Variants in SIL1 observed in about 807,000 individuals in gnomAD.
SIL1 encodes the protein SIL1 nucleotide exchange factor, also known as nucleotide exchange factor SIL1.
Under a neutral mutation model 49.1 loss-of-function variants are expected in SIL1, and 40 were observed. The observed-to-expected ratio is 0.81, with a 90% confidence interval of 0.63 to 1.06. The LOEUF (loss-of-function observed/expected upper bound fraction) is 1.06. Ranked by LOEUF, SIL1 falls within the 50% of genes least tolerant of loss-of-function variation. The probability of loss-of-function intolerance (pLI) is 0.00; values close to 1 mark genes in which losing one functional copy is unlikely to be tolerated. For missense variants in SIL1, 500 were observed against 572.6 expected, an observed-to-expected ratio of 0.87 and a Z score of 1.29; for synonymous variants, 253 against 250.8, an observed-to-expected ratio of 1.01 and a Z score of -0.08.
intron 7 of SIL1, among the ~76,000 whole-genome samples, chr5:138,958,727 C>CAA (rs1278682220): frequency 3.5e-4 from 46 of 130,058 alleles, no homozygotes; most frequent in South Asian, 1.9e-3. Flanking sequence ...TTCCAAAAGC[C>CAA]AAAAAAAAAA....
chr5:139,169,017 A>G (rs1445033284), intron 1 of SIL1, among the ~76,000 whole-genome samples: 1 of 151,978 alleles, frequency 6.6e-6, no homozygotes, highest in Non-Finnish European at 1.5e-5. Context: ...CCAGTCATGC[A>G]TGCTTGTAGT....
chr5:139,071,084 T>A (rs1196489169), intron 3 of SIL1, among the ~76,000 whole-genome samples: 1 of 152,022 alleles, frequency 6.6e-6, no homozygotes, highest in Non-Finnish European at 1.5e-5. Flanking sequence ...AGCTGACAAT[T>A]TGCAAGAAAT....
In SIL1 at chr5:139,005,151, A is replaced by G. The variant is rs564420306; in HGVS notation, c.767+16020T>C. Among the ~76,000 whole-genome samples the G allele has an allele frequency of 2.0e-5, 3 of 152,332 alleles. No individual in the cohort carries two copies. The South Asian group carries it at 6.2e-4, about 32-fold the overall frequency. On this transcript the variant is annotated intron_variant, in intron 7 of 9. Transcript: ENST00000394817. ...GTTAAGTGCTCTCACCACAAAAATG[A>G]TAACTTATGTGAGCAAGATTAGTCA...
At chr5:139,197,150 C>G (rs1256182687) in intron 1 of SIL1, among the ~76,000 whole-genome samples, 1 of 151,804 alleles carries the variant, frequency 6.6e-6, no homozygotes, top group Non-Finnish European at 1.5e-5. Context: ...TGCCTGTAAT[C>G]CCTGCTAATC....
At chr5:138,990,398 AG>A (rs1767730704) in intron 7 of SIL1, among the ~76,000 whole-genome samples, 2 of 152,168 alleles carry the variant, frequency 1.3e-5, no homozygotes, top group African/African-American at 4.8e-5. Flanking sequence ...TAACCTGGGG[AG>A]GACTGCTGGG....
intron 2 of SIL1, among the ~76,000 whole-genome samples, chr5:139,121,810 C>A (rs771739442): frequency 2.0e-5 from 3 of 152,174 alleles, no homozygotes; most frequent in African/African-American, 4.8e-5. Context: ...AAACCACTTC[C>A]TAAAACCTGT....
At chr5:139,113,322 AATAAAT>A (rs1770914662) in intron 3 of SIL1, among the ~76,000 whole-genome samples, 1 of 116,162 alleles carries the variant, frequency 8.6e-6, no homozygotes, top group Admixed American at 8.1e-5. Context: ...TAAATAAATA[AATAAAT>A]TTAAAAAAAA....
intron 3 of SIL1, among the ~76,000 whole-genome samples, chr5:139,119,297 G>A (rs1266113584): frequency 6.6e-6 from 1 of 152,158 alleles, no homozygotes; most frequent in Non-Finnish European, 1.5e-5. Flanking sequence ...TGCCCAGAGG[G>A]TTGGGCAAGG....
chr5:139,140,183 T>C (rs1751053060), intron 1 of SIL1, among the ~76,000 whole-genome samples: 2 of 152,094 alleles, frequency 1.3e-5, no homozygotes, highest in African/African-American at 4.8e-5. Flanking sequence ...GGCAAGAGAA[T>C]TGCTTGAGCC....
At chr5:139,081,882 AAAAAAAAAC>A (rs1303863073) in intron 3 of SIL1, among the ~76,000 whole-genome samples, 4 of 152,110 alleles carry the variant, frequency 2.6e-5, no homozygotes, top group African/African-American at 4.8e-5. Context: ...CTGTCTTAAA[AAAAAAAAAC>A]AAAAAAAACA....
intron 3 of SIL1, among the ~76,000 whole-genome samples, chr5:139,054,885 G>A (rs1262922620): frequency 6.6e-6 from 1 of 152,172 alleles, no homozygotes; most frequent in Non-Finnish European, 1.5e-5. Flanking sequence ...AGTGGCAAAA[G>A]CAACAGGAAA....
At chr5:138,954,379 A>C (rs1346178378) in intron 7 of SIL1, among the ~76,000 whole-genome samples, 1 of 152,254 alleles carries the variant, frequency 6.6e-6, no homozygotes, top group African/African-American at 2.4e-5. Context: ...CCCTGGGCCC[A>C]TGCCCTGCCT....
chr5:139,124,652 C>T lies in SIL1; in HGVS notation c.105+3087G>A, dbSNP rs186074738. Among the ~76,000 whole-genome samples the T allele has an allele frequency of 1.3e-3, 200 of 152,252 alleles. 3 individuals carry two copies. Among genetic ancestry groups the T allele is most frequent in the South Asian group, 6.2e-4 (3 of 4,808 alleles). On this transcript the variant is annotated intron_variant, in intron 2 of 9. Transcript: ENST00000394817. Reference sequence around the variant, plus strand: ...TGATATGAACAAACCACAGGCTGGACAGTGAGTTCAAAAGCAGAGTTCCAG... The same window carrying T: ...TGATATGAACAAACCACAGGCTGGATAGTGAGTTCAAAAGCAGAGTTCCAG...
chr5:139,084,740 T>C (rs1426438500), intron 3 of SIL1, among the ~76,000 whole-genome samples: 2 of 148,608 alleles, frequency 1.3e-5, no homozygotes, highest in Non-Finnish European at 3.0e-5. Flanking sequence ...CATATGTAAC[T>C]AACCTGCACA....
intron 3 of SIL1, among the ~76,000 whole-genome samples, chr5:139,115,243 T>C (rs1452042818): frequency 1.3e-5 from 2 of 152,192 alleles, no homozygotes; most frequent in African/African-American, 4.8e-5. Context: ...AACTGTGGTA[T>C]AATAAAAAAT....
rs564756010 is a variant in SIL1, at chr5:139,153,471, G to A, written c.-10-25618C>T. 2.4e-4 allele frequency among the ~76,000 whole-genome samples: 37 copies of A among 152,280 alleles called. No individual in the cohort carries two copies. The South Asian group carries it at 7.3e-3, about 30-fold the overall frequency. ...CTAGCTCAAGACTTGAGACAAAAGAGATGTTTAATAAATTACTGAGATGAT... is the reference window on the plus strand; with the variant it reads ...CTAGCTCAAGACTTGAGACAAAAGAAATGTTTAATAAATTACTGAGATGAT... On this transcript the variant is annotated intron_variant, in intron 1 of 9. Transcript: ENST00000394817.
intron 1 of SIL1, among the ~76,000 whole-genome samples, chr5:139,136,831 G>A (rs1750984132): frequency 6.6e-6 from 1 of 152,124 alleles, no homozygotes; most frequent in Non-Finnish European, 1.5e-5. Flanking sequence ...ATTCCTCCAT[G>A]GGTGCAACAG....
intron 3 of SIL1, among the ~76,000 whole-genome samples, chr5:139,072,333 A>T (rs1769852917): frequency 6.6e-6 from 1 of 152,254 alleles, no homozygotes; most frequent in South Asian, 2.1e-4. Flanking sequence ...ACATCCTGCG[A>T]AATAGAGATG....
chr5:138,990,665 T>C (rs980655720), intron 7 of SIL1, among the ~76,000 whole-genome samples: 11 of 152,198 alleles, frequency 7.2e-5, no homozygotes, highest in African/African-American at 2.7e-4. Context: ...AGGGCTCAAG[T>C]GATCCTCTCA....
Sources: allele counts gnomAD v4.1 joint callset (sites outside exome capture counted in the v4.1 genomes callset), GRCh38; gene constraint gnomAD v4.1.1; transcripts MANE v1.5; gene names NCBI Gene and HGNC (gene_info 2026-07-23, HGNC 2026-07-21).